The following RORA variants were observed in gnomAD, a reference collection of about 807,000 sequenced individuals.
RORA encodes the protein RAR related orphan receptor A, also known as nuclear receptor ROR-alpha.
A neutral mutation model predicts 69.5 loss-of-function variants in RORA; 7 were observed. The ratio of observed to expected loss-of-function variants is 0.10; its 90% CI spans 0.06 to 0.19. The LOEUF is 0.19. RORA is among the 10% of genes least tolerant of loss of function. The probability of loss-of-function intolerance (pLI) is 1.00; values close to 1 mark genes in which losing one functional copy is unlikely to be tolerated. For missense variants in RORA, 457 were observed against 663.0 expected, an observed-to-expected ratio of 0.69 and a Z score of 3.41; for synonymous variants, 261 against 240.8, an observed-to-expected ratio of 1.08 and a Z score of -0.78.
intron 1 of RORA, among the ~76,000 whole-genome samples, chr15:61,205,554 C>G (rs938637713): frequency 1.3e-5 from 2 of 152,170 alleles, no homozygotes; most frequent in Non-Finnish European, 2.9e-5. Context: ...AGAGTAAAAT[C>G]TCACGGAGTT....
At chr15:60,975,686 GTA>G (rs1555398888) in intron 1 of RORA, among the ~76,000 whole-genome samples, 2 of 152,134 alleles carry the variant, frequency 1.3e-5, no homozygotes, top group Non-Finnish European at 2.9e-5. Flanking sequence ...GTAATCATGC[GTA>G]TGTGTGAGGA....
intron 1 of RORA, among the ~76,000 whole-genome samples, chr15:61,105,297 T>C (rs531638757): frequency 6.6e-6 from 1 of 152,304 alleles, no homozygotes; most frequent in South Asian, 2.1e-4. Context: ...AGAATAAAAG[T>C]TTCATGAGAG....
At chr15:60,882,056 C>T (rs747763404) in intron 1 of RORA, among the ~76,000 whole-genome samples, 4 of 152,148 alleles carry the variant, frequency 2.6e-5, no homozygotes, top group Admixed American at 6.5e-5. Flanking sequence ...GTATGCTGCC[C>T]GTGCTAGTTA....
chr15:60,545,482 CAGTT>C (rs1049264111), intron 2 of RORA, among the ~76,000 whole-genome samples: 3 of 152,158 alleles, frequency 2.0e-5, no homozygotes, highest in African/African-American at 7.2e-5. Flanking sequence ...TTTGAGTTGT[CAGTT>C]AGGCTAGATG....
intron 2 of RORA, among the ~76,000 whole-genome samples, chr15:60,535,286 T>C (rs776449753): frequency 2.0e-5 from 3 of 152,218 alleles, no homozygotes; most frequent in Non-Finnish European, 2.9e-5. Flanking sequence ...TGGAGCAAGA[T>C]GCGCACATAT....
In RORA at chr15:60,905,527, TTG is replaced by T. The variant is rs1477405504; in HGVS notation, c.167-226843_167-226842del. Reference sequence around the variant, plus strand: ...ACACGAGTGTCATTGCTGAGCTCTTTTGTGTTTCATAGAAAGCAGTTGCTAAA... The same window carrying T: ...ACACGAGTGTCATTGCTGAGCTCTTTTGTTTCATAGAAAGCAGTTGCTAAA... On this transcript the variant is annotated intron_variant, in intron 1 of 10. Transcript: ENST00000335670. The surrounding 1 kb of genome is among the most constrained non-coding windows in gnomAD (Gnocchi z 4.8). 6.6e-6 allele frequency among the ~76,000 whole-genome samples: 1 copy of T among 152,216 alleles called. No homozygotes were observed. Among genetic ancestry groups the T allele is most frequent in the African/African-American group, 2.4e-5 (1 of 41,448 alleles).
At chr15:60,880,136 C>T (rs1229204516) in intron 1 of RORA, among the ~76,000 whole-genome samples, 1 of 152,202 alleles carries the variant, frequency 6.6e-6, no homozygotes, top group Non-Finnish European at 1.5e-5. Flanking sequence ...CCAATCACAT[C>T]TCACCTTACT....
At chr15:60,631,714 A>G (rs2140654080) in intron 2 of RORA, among the ~76,000 whole-genome samples, 1 of 152,352 alleles carries the variant, frequency 6.6e-6, no homozygotes, top group East Asian at 1.9e-4. Context: ...TGCTGTCCGC[A>G]TGCCCAGTAC....
chr15:60,736,400 C>T (rs1298557845), intron 1 of RORA, among the ~76,000 whole-genome samples: 1 of 152,182 alleles, frequency 6.6e-6, no homozygotes, highest in African/African-American at 2.4e-5. Flanking sequence ...GGCCCTTCAG[C>T]TTCAGTAATA....
At chr15:61,109,444 T>C (rs1566993068) in intron 1 of RORA, among the ~76,000 whole-genome samples, 1 of 152,208 alleles carries the variant, frequency 6.6e-6, no homozygotes, top group Non-Finnish European at 1.5e-5. Flanking sequence ...ACGCAGAGAT[T>C]TGAAACCAGG....
chr15:60,660,902 G>A (rs1263991764), intron 2 of RORA, among the ~76,000 whole-genome samples: 1 of 152,090 alleles, frequency 6.6e-6, no homozygotes, highest in East Asian at 1.9e-4. Context: ...CTTCCTGCCT[G>A]CTGCACATGC....
intron 1 of RORA, among the ~76,000 whole-genome samples, chr15:61,154,551 C>T (rs1314090142): frequency 6.6e-6 from 1 of 152,152 alleles, no homozygotes; most frequent in Non-Finnish European, 1.5e-5. Flanking sequence ...ATCTACGTGA[C>T]CTGTCATCCA....
At chr15:60,564,634 A>G (rs1268784554) in intron 2 of RORA, among the ~76,000 whole-genome samples, 1 of 152,178 alleles carries the variant, frequency 6.6e-6, no homozygotes, top group Non-Finnish European at 1.5e-5. Context: ...TAACCAGGAA[A>G]GGTGGGGGCC....
chr15:61,129,288 G>A lies in RORA; in HGVS notation c.166+99765C>T, dbSNP rs781366399. On this transcript the variant is annotated intron_variant, in intron 1 of 10. Transcript: ENST00000335670. ...AAAAAGAAATAGTAAAATACCTGGC[G>A]ATTTAAAATGGCAATGTTTTCTTGA... is the stretch of plus-strand genomic sequence containing the variant. Among the ~76,000 whole-genome samples the A allele has an allele frequency of 1.6e-3, 247 of 152,234 alleles. 1 individual carries two copies. The highest frequency in any genetic ancestry group is 1.6e-3 in the Non-Finnish European group (106 of 68,014).
intron 1 of RORA, among the ~76,000 whole-genome samples, chr15:61,056,572 T>A (rs2078099643): frequency 6.6e-6 from 1 of 152,234 alleles, no homozygotes; most frequent in Non-Finnish European, 1.5e-5. Flanking sequence ...CTGGCTTTTA[T>A]GAAAGCCAAA....
intron 1 of RORA, among the ~76,000 whole-genome samples, chr15:60,722,905 G>A (rs1487947548): frequency 1.3e-5 from 2 of 152,094 alleles, no homozygotes; most frequent in Non-Finnish European, 2.9e-5. Context: ...AGTGGTCAGG[G>A]TGCAGTGAGT....
intron 1 of RORA, among the ~76,000 whole-genome samples, chr15:60,933,943 G>A (rs889917420): frequency 1.3e-5 from 2 of 152,180 alleles, no homozygotes; most frequent in African/African-American, 2.4e-5. Flanking sequence ...AGAGAGGCTG[G>A]GCTCCCTCAT....
intron 1 of RORA, among the ~76,000 whole-genome samples, chr15:60,835,682 A>G (rs565910899): frequency 6.6e-6 from 1 of 152,334 alleles, no homozygotes; most frequent in Non-Finnish European, 1.5e-5. Flanking sequence ...GCCTTGATCC[A>G]GGTCTTTGAC....
chr15:60,805,904 T>C (rs1285219445), intron 1 of RORA, among the ~76,000 whole-genome samples: 2 of 152,202 alleles, frequency 1.3e-5, no homozygotes, highest in Non-Finnish European at 2.9e-5. Context: ...CAATACCAAA[T>C]TGGCAACACA....
Sources: gnomAD v4.1 joint callset for allele counts (sites outside exome capture counted in the v4.1 genomes callset) on GRCh38, gnomAD v4.1.1 for gene constraint, Gnocchi (gnomAD v3.1) non-coding constraint, MANE v1.5 for transcripts, NCBI Gene and HGNC (gene_info 2026-07-23, HGNC 2026-07-21) for gene names.